The following DPP10 variants were observed in gnomAD, a reference collection of about 807,000 sequenced individuals.
The protein encoded by DPP10 is inactive dipeptidyl peptidase 10.
Under a neutral mutation model 120.9 loss-of-function variants are expected in DPP10, and 33 were observed. The ratio of observed to expected loss-of-function variants is 0.27; its 90% CI spans 0.21 to 0.37. The LOEUF (loss-of-function observed/expected upper bound fraction) is 0.37. Among genes scored for constraint, DPP10 ranks in the 10% least tolerant of loss-of-function variants. The pLI, the probability that DPP10 is intolerant of heterozygous loss-of-function variation, is 1.00. For missense variants in DPP10, 816 were observed against 942.8 expected (o/e 0.87, Z 1.76); for synonymous variants, 337 against 326.1 (o/e 1.03, Z -0.36).
chr2:114,940,650 G>C (rs1049145767), intron 1 of DPP10, among the ~76,000 whole-genome samples: 2 of 151,952 alleles, frequency 1.3e-5, no homozygotes, highest in African/African-American at 4.8e-5. Context: ...ATCAAGATAT[G>C]AAACTTTGTC....
Position 114,696,502 on chromosome 2 carries a change from C to T in DPP10, c.60+253664C>T, listed in dbSNP as rs528767046. ...CAGCTGAAGCTATTATATCCAGAGCCTATGGCTGTTTGGCTCTTTTAACAA... is the reference window on the plus strand; with the variant it reads ...CAGCTGAAGCTATTATATCCAGAGCTTATGGCTGTTTGGCTCTTTTAACAA... On this transcript the variant is annotated intron_variant, in intron 1 of 25. Transcript: ENST00000410059. 5.9e-5 allele frequency among the ~76,000 whole-genome samples: 9 copies of T among 152,096 alleles called. No homozygotes were observed. In the East Asian group the frequency reaches 1.6e-3, roughly 26 times the overall value.
At chr2:114,705,815 A>G (rs988063637) in intron 1 of DPP10, among the ~76,000 whole-genome samples, 31 of 152,200 alleles carry the variant, frequency 2.0e-4, no homozygotes, top group African/African-American at 7.2e-4. Context: ...TATTGCCCTA[A>G]TTACCAAGAA....
At chr2:114,866,456 T>C (rs1355434255) in intron 1 of DPP10, among the ~76,000 whole-genome samples, 1 of 152,174 alleles carries the variant, frequency 6.6e-6, no homozygotes, top group Non-Finnish European at 1.5e-5. Flanking sequence ...AATAGTTAGG[T>C]TGCCTGTTGA....
chr2:114,997,326 G>GGA (rs369640238), intron 1 of DPP10, among the ~76,000 whole-genome samples: 2 of 135,790 alleles, frequency 1.5e-5, no homozygotes, highest in African/African-American at 2.8e-5. Context: ...CGTCTCTACT[G>GGA]AAAAAAAAAA....
Position 115,521,265 on chromosome 2 carries a change from C to G in DPP10, c.367-4633C>G, listed in dbSNP as rs139343685. On this transcript the variant is annotated intron_variant, in intron 4 of 25. Transcript: ENST00000410059. ...CCGGTAGAGCATGTCATTTGGGGAA[C>G]TTGTTCCTTTTCTTTAGAGGGCATG... Among the ~76,000 whole-genome samples, 245 of 152,262 alleles carry G rather than the reference C, an allele frequency of 1.6e-3. 1 individual carries two copies. Among genetic ancestry groups the G allele is most frequent in the African/African-American group, 5.2e-3 (216 of 41,554 alleles).
At chr2:115,552,717 T>C (rs2079952044) in intron 5 of DPP10, among the ~76,000 whole-genome samples, 1 of 152,074 alleles carries the variant, frequency 6.6e-6, no homozygotes, top group Non-Finnish European at 1.5e-5. Context: ...TTCATCAATA[T>C]TCATCAATAA....
At chr2:114,964,651 G>T (rs1217599175) in intron 1 of DPP10, among the ~76,000 whole-genome samples, 1 of 152,146 alleles carries the variant, frequency 6.6e-6, no homozygotes, top group East Asian at 1.9e-4. Flanking sequence ...ATCTCCAAGG[G>T]GAGCTATATG....
intron 1 of DPP10, among the ~76,000 whole-genome samples, chr2:115,015,445 C>A (rs987564542): frequency 1.3e-5 from 2 of 152,104 alleles, no homozygotes; most frequent in Non-Finnish European, 2.9e-5. Flanking sequence ...CAACACAAGA[C>A]AAGGATGACC....
intron 1 of DPP10, among the ~76,000 whole-genome samples, chr2:114,504,247 A>G (rs1368824676): frequency 6.6e-6 from 1 of 151,828 alleles, no homozygotes; most frequent in Non-Finnish European, 1.5e-5. Context: ...CTTATTTCCA[A>G]CTCATCTTAT....
chr2:115,062,326 T>A lies in DPP10; in HGVS notation c.61-246913T>A, dbSNP rs143183564. Among the ~76,000 whole-genome samples the A allele has an allele frequency of 8.8e-3, 1,344 of 152,328 alleles. 9 individuals are homozygous for A. The highest frequency in any genetic ancestry group is 0.024 in the Middle Eastern group (7 of 294). ...CTTTGTATTTCCATGAGCTTAATTT[T>A]GTATATTTTGATGCTGCATTTTAAA... On this transcript the variant is annotated intron_variant, in intron 1 of 25. Coordinates refer to ENST00000410059, the MANE Select transcript of DPP10 (RefSeq NM_020868.6).
At chr2:114,698,680 A>G (rs1290386332) in intron 1 of DPP10, among the ~76,000 whole-genome samples, 1 of 152,054 alleles carries the variant, frequency 6.6e-6, no homozygotes, top group Non-Finnish European at 1.5e-5. Context: ...TTGGAAAGCA[A>G]GTGAAAGTTT....
chr2:114,955,363 C>T (rs1048187360), intron 1 of DPP10, among the ~76,000 whole-genome samples: 14 of 152,116 alleles, frequency 9.2e-5, no homozygotes, highest in African/African-American at 3.4e-4. Flanking sequence ...TTTGTGCTGA[C>T]CTTTCCTATC....
intron 1 of DPP10, among the ~76,000 whole-genome samples, chr2:115,199,561 C>T (rs534865606): frequency 6.6e-6 from 1 of 152,012 alleles, no homozygotes; most frequent in Non-Finnish European, 1.5e-5. Flanking sequence ...CCGTTTTGAC[C>T]GCAAAGAACA....
chr2:114,690,304 T>C (rs1016024502), intron 1 of DPP10, among the ~76,000 whole-genome samples: 3 of 152,120 alleles, frequency 2.0e-5, no homozygotes, highest in African/African-American at 7.2e-5. Context: ...TGCATATCGC[T>C]AGCCAGCACT....
rs578068507 is a variant in DPP10, at chr2:114,550,758, TTGTC to T, written c.60+107924_60+107927del. 2.0e-3 allele frequency among the ~76,000 whole-genome samples: 307 copies of T among 152,348 alleles called. No homozygotes were observed. The Middle Eastern group carries it at 0.027, about 14-fold the overall frequency. On this transcript the variant is annotated intron_variant, in intron 1 of 25. Coordinates refer to ENST00000410059, the MANE Select transcript of DPP10 (RefSeq NM_020868.6). The stretch of plus-strand genomic sequence containing the variant: ...TACCAGATTGAAATTACTGATTAAT[TTGTC>T]TGTGTTTCCCCAGACAACCTGTGTG...
intron 1 of DPP10, among the ~76,000 whole-genome samples, chr2:114,897,225 T>A (rs1271252691): frequency 1.3e-5 from 2 of 152,216 alleles, no homozygotes; most frequent in African/African-American, 4.8e-5. Context: ...TGCCCAGCTT[T>A]GGTATCAGGA....
Position 115,244,218 on chromosome 2 carries a change from A to G in DPP10, c.61-65021A>G, listed in dbSNP as rs865924494. Among the ~76,000 whole-genome samples the G allele has an allele frequency of 4.7e-3, 414 of 88,904 alleles. 3 individuals are homozygous for G. Among genetic ancestry groups the G allele is most frequent in the African/African-American group, 0.019 (314 of 16,416 alleles). 58.3% of individuals were successfully genotyped at this position (88,904 alleles called of 152,430 possible). ...TGTCTATATATATATATGTGTGTGT[A>G]TATATATATATATATATATATAGAG... On this transcript the variant is annotated intron_variant, in intron 1 of 25. Coordinates refer to ENST00000410059, the MANE Select transcript of DPP10 (RefSeq NM_020868.6).
intron 1 of DPP10, among the ~76,000 whole-genome samples, chr2:114,942,352 T>TATATATAC (rs1697008096): frequency 1.4e-5 from 1 of 70,622 alleles, no homozygotes; most frequent in Non-Finnish European, 2.9e-5. Flanking sequence ...TATATATACA[T>TATATATAC]ATATATATAC....
intron 1 of DPP10, among the ~76,000 whole-genome samples, chr2:115,023,409 C>T (rs946309019): frequency 1.3e-5 from 2 of 152,036 alleles, no homozygotes; most frequent in African/African-American, 4.8e-5. Context: ...TATCACTAAT[C>T]ATCAGAGAAA....
Sources: gnomAD v4.1 joint callset for allele counts (sites outside exome capture counted in the v4.1 genomes callset) on GRCh38, gnomAD v4.1.1 for gene constraint, MANE v1.5 for transcripts, NCBI Gene and HGNC (gene_info 2026-07-23, HGNC 2026-07-21) for gene names.